PARD3B: variants seen among roughly 807,000 people sequenced by gnomAD.
PARD3B encodes the protein par-3 family cell polarity regulator beta, also known as partitioning defective 3 homolog B.
In PARD3B, 103 loss-of-function variants were observed where a neutral mutation model predicts 130.2. The observed-to-expected ratio is 0.79, with a 90% CI of 0.67 to 0.93. The LOEUF (loss-of-function observed/expected upper bound fraction) is 0.93. Among genes scored for constraint, PARD3B ranks in the 40% least tolerant of loss-of-function variants. The pLI is 0.00. For synonymous variants in PARD3B, 583 were observed against 553.2 expected (o/e 1.05, Z -0.76); for missense variants, 1,609 against 1,499.2 (o/e 1.07, Z -1.21).
intron 18 of PARD3B, among the ~76,000 whole-genome samples, chr2:205,340,630 CA>C (rs1322383291): frequency 6.6e-6 from 1 of 152,004 alleles, no homozygotes; most frequent in Non-Finnish European, 1.5e-5. Context: ...GGTAAGATCC[CA>C]AACTATGCAA....
At chr2:205,326,118 AGTTTCTGCTGCTGTAACAAAATTGATTTG>A (rs1370375405) in intron 18 of PARD3B, among the ~76,000 whole-genome samples, 1 of 152,330 alleles carries the variant, frequency 6.6e-6, no homozygotes, top group East Asian at 1.9e-4. Flanking sequence ...AACTGGTGTT[AGTTTCTGCTGCTGTAACAAAATTGATTTG>A]GCCTTTATTA....
intron 1 of PARD3B, among the ~76,000 whole-genome samples, chr2:204,555,686 C>T (rs1316982188): frequency 1.3e-5 from 2 of 152,186 alleles, no homozygotes; most frequent in African/African-American, 4.8e-5. Flanking sequence ...TCATCATCTA[C>T]CACACAGCTG....
At chr2:204,854,073 A>G (rs955818424) in intron 2 of PARD3B, among the ~76,000 whole-genome samples, 3 of 152,148 alleles carry the variant, frequency 2.0e-5, no homozygotes, top group African/African-American at 7.2e-5. Flanking sequence ...ATCCTGAGAA[A>G]GAACAGAGCT....
At chr2:204,634,001 T>C (rs1334763277) in intron 1 of PARD3B, among the ~76,000 whole-genome samples, 1 of 152,092 alleles carries the variant, frequency 6.6e-6, no homozygotes, top group Non-Finnish European at 1.5e-5. Flanking sequence ...ACAATTACAC[T>C]CTTTAAGTTA....
At chr2:205,363,677 C>G (rs532980836) in intron 18 of PARD3B, among the ~76,000 whole-genome samples, 7 of 151,904 alleles carry the variant, frequency 4.6e-5, no homozygotes, top group African/African-American at 7.2e-5. Flanking sequence ...GTTTTCTTTT[C>G]TTTTTGAGAT....
intron 19 of PARD3B, among the ~76,000 whole-genome samples, chr2:205,432,902 G>T (rs2047385768): frequency 6.6e-6 from 1 of 152,138 alleles, no homozygotes; most frequent in Middle Eastern, 3.4e-3. Flanking sequence ...AGCCTTTGAT[G>T]TTGACAATAC....
At chr2:204,552,544 T>G (rs1461135973) in intron 1 of PARD3B, among the ~76,000 whole-genome samples, 1 of 152,228 alleles carries the variant, frequency 6.6e-6, no homozygotes. Flanking sequence ...TGCATTTGCT[T>G]TTGGGTTCTT....
At chr2:205,075,891 A>G (rs1273590066) in intron 4 of PARD3B, among the ~76,000 whole-genome samples, 1 of 152,126 alleles carries the variant, frequency 6.6e-6, no homozygotes, top group Non-Finnish European at 1.5e-5. Context: ...ACTAATATTC[A>G]TCAAAAATAA....
rs1051638962 is a variant in PARD3B, at chr2:205,089,127, C to T, written c.505-15299C>T. On this transcript the variant is annotated intron_variant, in intron 4 of 22. Coordinates refer to ENST00000406610, the MANE Select transcript of PARD3B (RefSeq NM_001302769.2). Reference sequence around the variant, plus strand: ...GCAGTGAGGCCATAACTCATGGGCACTCTCTTTTTTTTTTCTTTCTTTTTT... The same window carrying T: ...GCAGTGAGGCCATAACTCATGGGCATTCTCTTTTTTTTTTCTTTCTTTTTT... 7.4e-5 allele frequency among the ~76,000 whole-genome samples: 11 copies of T among 147,784 alleles called. No individual in the cohort carries two copies. The South Asian group carries it at 1.1e-3, about 14-fold the overall frequency.
At chr2:205,449,373 G>A (rs531842776) in intron 20 of PARD3B, among the ~76,000 whole-genome samples, 20 of 151,518 alleles carry the variant, frequency 1.3e-4, no homozygotes, top group African/African-American at 4.3e-4. Context: ...GGGATTACAG[G>A]TGCCCGCCAC....
chr2:204,940,000 G>T (rs1688781876), intron 2 of PARD3B, among the ~76,000 whole-genome samples: 1 of 152,140 alleles, frequency 6.6e-6, no homozygotes, highest in African/African-American at 2.4e-5. Flanking sequence ...TTGAAATATT[G>T]TACTTTGTTT....
intron 10 of PARD3B, among the ~76,000 whole-genome samples, chr2:205,139,673 A>T (rs1253709917): frequency 6.6e-6 from 1 of 152,212 alleles, no homozygotes; most frequent in African/African-American, 2.4e-5. Context: ...TATATCATAA[A>T]GAGATAGAAG....
At chr2:204,896,757 G>A (rs964548609) in intron 2 of PARD3B, among the ~76,000 whole-genome samples, 1 of 152,148 alleles carries the variant, frequency 6.6e-6, no homozygotes, top group African/African-American at 2.4e-5. Flanking sequence ...GCTAGGTCCA[G>A]TACACTAAAT....
At chr2:205,411,434 A>G (rs1257825643) in intron 19 of PARD3B, among the ~76,000 whole-genome samples, 2 of 152,176 alleles carry the variant, frequency 1.3e-5, no homozygotes, top group African/African-American at 4.8e-5. Context: ...TGGGTTAAAG[A>G]TGACTCTGCA....
chr2:205,581,059 A>T (rs1037701842), intron 22 of PARD3B, among the ~76,000 whole-genome samples: 1 of 152,070 alleles, frequency 6.6e-6, no homozygotes, highest in African/African-American at 2.4e-5. Context: ...GCATTAACTA[A>T]TGCTTTCATT....
intron 1 of PARD3B, among the ~76,000 whole-genome samples, chr2:204,596,928 C>T (rs200514370): frequency 2.6e-5 from 4 of 151,862 alleles, no homozygotes; most frequent in African/African-American, 7.2e-5. Flanking sequence ...CTCTCTCTCT[C>T]TCTCTCTCTC....
At position 204,687,219 on chromosome 2, in the gene PARD3B, A is replaced by C. The variant is rs547120729; in HGVS notation, c.222+937A>C. On this transcript the variant is annotated intron_variant, in intron 2 of 22. Transcript: ENST00000406610. ...AAGTTTATATTTTTCTTTTTCCATA[A>C]GATCTCTTCAGACTGTTCAAACTTA... Among the ~76,000 whole-genome samples the C allele has an allele frequency of 2.4e-4, 37 of 152,314 alleles. No individual in the cohort carries two copies. The South Asian group carries it at 7.5e-3, about 31-fold the overall frequency.
intron 2 of PARD3B, among the ~76,000 whole-genome samples, chr2:204,720,596 A>G (rs1271375583): frequency 6.6e-6 from 1 of 152,190 alleles, no homozygotes; most frequent in African/African-American, 2.4e-5. Flanking sequence ...TCTCATTGAG[A>G]TCTTGAAGCA....
At chr2:204,656,946 A>G (rs2035658146) in intron 1 of PARD3B, among the ~76,000 whole-genome samples, 2 of 152,170 alleles carry the variant, frequency 1.3e-5, no homozygotes, top group East Asian at 1.9e-4. Flanking sequence ...TGAAGTCACA[A>G]TCTGAGCCAT....
Sources: allele counts gnomAD v4.1 joint callset (sites outside exome capture counted in the v4.1 genomes callset), GRCh38; gene constraint gnomAD v4.1.1; transcripts MANE v1.5; gene names NCBI Gene and HGNC (gene_info 2026-07-23, HGNC 2026-07-21).